Variants in ART4 observed in about 807,000 individuals in gnomAD.
ART4 encodes the protein ecto-ADP-ribosyltransferase 4.
A neutral mutation model predicts 24.2 loss-of-function variants in ART4; 14 were observed. The ratio of observed to expected loss-of-function variants is 0.58; its 90% CI spans 0.38 to 0.90. The LOEUF is 0.90. Ranked by LOEUF, ART4 falls within the 40% of genes least tolerant of loss-of-function variation. The probability of loss-of-function intolerance (pLI) is 0.00; values close to 1 mark genes in which losing one functional copy is unlikely to be tolerated. For missense variants in ART4, 356 were observed against 366.6 expected (o/e 0.97, Z 0.24); for synonymous variants, 145 against 139.9 (o/e 1.04, Z -0.26).
chr12:14,829,650 A>G (rs1565427401), intron 2 of ART4, among the ~76,000 whole-genome samples, 188 bp from the exon 3 acceptor site: 1 of 152,214 alleles, frequency 6.6e-6, no homozygotes, highest in African/African-American at 2.4e-5. Flanking sequence ...GATGAAACAG[A>G]CACCAAGAGG....
At chr12:14,841,229 A>T in intron 1 of ART4, 76 bp from the exon 2 acceptor site, 26 of 1,373,710 alleles carry the variant, frequency 1.9e-5, no homozygotes, top group Non-Finnish European at 2.5e-5. Context: ...GCTGTACTCT[A>T]TAAGGGTAAG....
At chr12:14,830,119 AGTGTGTGTGT>A (rs113436435) in intron 2 of ART4, among the ~76,000 whole-genome samples, 15,479 of 145,680 alleles carry the variant, frequency 0.11, 1,014 homozygotes, top group Admixed American at 0.22. Flanking sequence ...TCCTGTTTGG[AGTGTGTGTGT>A]GTGTGTGTGT....
intron 2 of ART4, among the ~76,000 whole-genome samples, chr12:14,836,649 C>A (rs1950433023): frequency 6.6e-6 from 1 of 152,184 alleles, no homozygotes; most frequent in South Asian, 2.1e-4. Flanking sequence ...GCAGATGAGG[C>A]TTAGGTAGGT....
At chr12:14,842,163 T>G (rs543742900) in intron 1 of ART4, among the ~76,000 whole-genome samples, 27 of 152,346 alleles carry the variant, frequency 1.8e-4, no homozygotes, top group African/African-American at 6.3e-4. Flanking sequence ...AGACTATCAT[T>G]TAGAGCCATA....
At chr12:14,837,213 G>A (rs1381601872) in intron 2 of ART4, among the ~76,000 whole-genome samples, 2 of 152,216 alleles carry the variant, frequency 1.3e-5, no homozygotes, top group South Asian at 2.1e-4. Context: ...ATTTAGTTAC[G>A]GTAACTCACA....
intron 2 of ART4, among the ~76,000 whole-genome samples, chr12:14,834,002 A>G (rs1950412858): frequency 6.6e-6 from 1 of 152,212 alleles, no homozygotes; most frequent in Non-Finnish European, 1.5e-5. Context: ...TCCATGTGCA[A>G]AGTACTTTCC....
intron 1 of ART4, 45 bp from the exon 2 acceptor site, chr12:14,841,198 G>A: frequency 6.6e-7 from 1 of 1,520,916 alleles, no homozygotes; most frequent in Non-Finnish European, 8.8e-7. Context: ...CAAATCAGAT[G>A]GTGAATGTGG....
chr12:14,829,557 A>T, intron 2 of ART4, 95 bp from the exon 3 acceptor site: 1 of 838,242 alleles, frequency 1.2e-6, no homozygotes, highest in Admixed American at 3.2e-5. Flanking sequence ...AACTTAGAAA[A>T]TTCCTAATAA....
At chr12:14,838,024 C>T (rs186767789) in intron 2 of ART4, among the ~76,000 whole-genome samples, 2 of 152,262 alleles carry the variant, frequency 1.3e-5, no homozygotes, top group South Asian at 2.1e-4. Context: ...AAATACTAGT[C>T]GAGTTCCTGC....
intron 2 of ART4, among the ~76,000 whole-genome samples, chr12:14,830,645 GTATGTA>G (rs1298649597): frequency 1.0e-4 from 4 of 40,134 alleles, no homozygotes; most frequent in Non-Finnish European, 4.6e-5. Context: ...TGTACTGTAT[GTATGTA>G]TATATATATA....
rs951623803 is a variant in ART4, at chr12:14,826,923, C to T, written c.*2448G>A. The T allele has an allele frequency of 6.6e-6, 1 of 152,250 alleles. No individual in the cohort carries two copies. Among genetic ancestry groups the T allele is most frequent in the Non-Finnish European group, 1.5e-5 (1 of 68,068 alleles). The allele number at this position is 152,250 out of a possible 1,614,324, so 9.4% of individuals were successfully genotyped here. A position where few individuals can be genotyped will look rare whatever the true frequency, so the allele number is the denominator to read the frequency against. ...TGTTTTTTTCTCCTTCTGCTCACCC[C>T]TTCTCCCAGCCTAGAGCCCTAACGG... On this transcript the variant is annotated 3_prime_UTR_variant, in exon 3 of 3. Coordinates refer to ENST00000228936, the MANE Select transcript of ART4 (RefSeq NM_021071.4).
chr12:14,841,313 A>C, intron 1 of ART4, 160 bp from the exon 2 acceptor site: 1 of 647,818 alleles, frequency 1.5e-6, no homozygotes, highest in Admixed American at 3.3e-5. Flanking sequence ...TCCTTACTGC[A>C]TCAATGACCT....
Position 14,841,015 on chromosome 12 carries a change from T to C in ART4, c.283A>G (p.Arg95Gly), listed in dbSNP as rs771530070. Residue 95 changes from arginine (R) to glycine (G), a missense_variant, in exon 2 of 3, where the codon AGG (arginine) becomes GGG (glycine). By Grantham distance (125) the Arg-to-Gly change is moderately radical (BLOSUM62 -2). Coordinates refer to ENST00000228936, the MANE Select transcript of ART4 (RefSeq NM_021071.4). Reference sequence around the variant, plus strand: ...GCTAAGTGGGCTTTTTGCCACATCCTAAAATAATTCTTCTGGGCTTCTATG... The same window carrying C: ...GCTAAGTGGGCTTTTTGCCACATCCCAAAATAATTCTTCTGGGCTTCTATG... The part of the protein sequence containing the change: ...KDIEAQKNYF[R>G]MWQKAHLAWL... 6.2e-7 allele frequency: 1 copy of C among 1,614,242 alleles called. No homozygotes were observed. The highest frequency in any genetic ancestry group is 1.1e-5 in the South Asian group (1 of 91,086).
Position 14,829,477 on chromosome 12 carries a change from A to G in ART4, c.854-15T>C. On this transcript the variant is annotated splice_polypyrimidine_tract_variant and intron_variant, in intron 2 of 2. Transcript: ENST00000228936. ...CTTGCTGGAAGCTGTAAAAAACAAA[A>G]CAAAGGAAATATTTTAGGTAGCAGA... is the stretch of plus-strand genomic sequence containing the variant. 1 of 1,590,484 alleles carries G rather than the reference A, an allele frequency of 6.3e-7. No homozygotes were observed. Among genetic ancestry groups the G allele is most frequent in the African/African-American group, 1.3e-5 (1 of 74,138 alleles).
chr12:14,831,709 T>C (rs1191645939), intron 2 of ART4, among the ~76,000 whole-genome samples: 1 of 152,032 alleles, frequency 6.6e-6, no homozygotes, highest in African/African-American at 2.4e-5. Flanking sequence ...CCCACTGACC[T>C]CAAATTTATC....
chr12:14,841,967 C>T (rs535176198), intron 1 of ART4, among the ~76,000 whole-genome samples: 1 of 152,204 alleles, frequency 6.6e-6, no homozygotes, highest in Non-Finnish European at 1.5e-5. Flanking sequence ...GTACATTTGT[C>T]CCCCTCAGGG....
chr12:14,830,498 T>C (rs1592247693), intron 2 of ART4, among the ~76,000 whole-genome samples: 1 of 147,290 alleles, frequency 6.8e-6, no homozygotes, highest in East Asian at 2.0e-4. Context: ...TTTCACACAA[T>C]ATATACATTT....
rs1242385322 is a variant in ART4, at chr12:14,840,625, G to T, written c.673C>A (p.Leu225Ile). The change falls in exon 2 of 3, where the codon CTA (leucine) becomes ATA (isoleucine). Residue 225 changes from leucine to isoleucine, a missense_variant. Transcript: ENST00000228936. Reference sequence around the variant, plus strand: ...CCCAGGCAGGTGAATATGGTAAATAGTGTCTGGTTCCCAAACTCCTGTGCC... The same window carrying T: ...CCCAGGCAGGTGAATATGGTAAATATTGTCTGGTTCCCAAACTCCTGTGCC... The part of the protein sequence containing the change: ...EEAQEFGNQT[L>I]FTIFTCLGAP... 6.2e-7 allele frequency: 1 copy of T among 1,614,166 alleles called. No individual in the cohort carries two copies. The highest frequency in any genetic ancestry group is 2.2e-5 in the East Asian group (1 of 44,880).
At position 14,830,346 on chromosome 12, in the gene ART4, A is replaced by G. The variant is rs549048948; in HGVS notation, c.854-884T>C. ...AAAAAATAGTCTAAATAAAGACTGG[A>G]ATCTCTTTGCAGCCAGTTTTCACTA... On this transcript the variant is annotated intron_variant, in intron 2 of 2. Transcript: ENST00000228936. Among the ~76,000 whole-genome samples, 3 of 152,024 alleles carry G rather than the reference A, an allele frequency of 2.0e-5. No individual in the cohort carries two copies. In the South Asian group the frequency reaches 6.2e-4, roughly 32 times the overall value.
Sources: gnomAD v4.1 joint callset for allele counts (sites outside exome capture counted in the v4.1 genomes callset) on GRCh38, gnomAD v4.1.1 for gene constraint, MANE v1.5 for transcripts, NCBI Gene and HGNC (gene_info 2026-07-23, HGNC 2026-07-21) for gene names.